Variants in MEI4 observed in about 807,000 individuals in gnomAD.
MEI4 encodes meiosis-specific protein MEI4.
MEI4 carries 27 observed loss-of-function variants against 31.4 expected under a neutral mutation model. The ratio of observed to expected loss-of-function variants is 0.86; its 90% CI spans 0.63 to 1.19. The LOEUF is 1.19. Ranked by LOEUF, MEI4 falls within the 50% of genes most tolerant of loss-of-function variation. MEI4 has a pLI of 0.00. For synonymous variants in MEI4, 122 were observed against 145.4 expected, an observed-to-expected ratio of 0.84 and a Z score of 1.16; for missense variants, 329 against 398.9, an observed-to-expected ratio of 0.82 and a Z score of 1.49.
chr6:77,904,382 T>C (rs1054831477), intron 4 of MEI4, among the ~76,000 whole-genome samples: 30 of 152,110 alleles, frequency 2.0e-4, no homozygotes, highest in African/African-American at 7.2e-4. Context: ...GTCACGGGGA[T>C]TTGGTGTACA....
At chr6:77,792,947 C>T (rs954183539) in intron 3 of MEI4, among the ~76,000 whole-genome samples, 3 of 152,122 alleles carry the variant, frequency 2.0e-5, no homozygotes, top group African/African-American at 4.8e-5. Flanking sequence ...CTCCTGACCT[C>T]GTGATCCGCC....
intron 4 of MEI4, among the ~76,000 whole-genome samples, chr6:77,844,561 A>C (rs1309216767): frequency 6.6e-6 from 1 of 152,194 alleles, no homozygotes; most frequent in Non-Finnish European, 1.5e-5. Context: ...TTGCAAATTG[A>C]AATCTTTTTT....
intron 3 of MEI4, among the ~76,000 whole-genome samples, chr6:77,789,862 C>A (rs540092347): frequency 6.6e-5 from 10 of 152,162 alleles, no homozygotes; most frequent in African/African-American, 2.2e-4. Flanking sequence ...CCTCAGGGAT[C>A]TAGAACTAGA....
At chr6:77,882,813 G>A (rs1771519981) in intron 4 of MEI4, among the ~76,000 whole-genome samples, 1 of 152,040 alleles carries the variant, frequency 6.6e-6, no homozygotes, top group Non-Finnish European at 1.5e-5. Context: ...ATCAAATCCA[G>A]ACAATATATT....
rs1188139521 is a variant in MEI4, at chr6:77,717,956, C to CGATG, written c.232+27055_232+27058dup. On this transcript the variant is annotated intron_variant, in intron 2 of 4. Transcript: ENST00000684080. ...CGCCATCGTCATCATGGCCCGTTCT[C>CGATG]GATGGTCGCTGTCTCTTCGGAGCTG... Among the ~76,000 whole-genome samples the CGATG allele has an allele frequency of 1.3e-3, 67 of 51,338 alleles. 1 individual carries two copies. In the Middle Eastern group the frequency reaches 0.026, roughly 20 times the overall value. The allele number at this position is 51,338 out of a possible 152,430, so 33.7% of individuals were successfully genotyped here.
intron 4 of MEI4, among the ~76,000 whole-genome samples, chr6:77,883,745 A>ATATATATCTATATCTATCTAT (rs55947073): frequency 2.4e-5 from 2 of 82,302 alleles, no homozygotes; most frequent in African/African-American, 9.9e-5. Context: ...TATATATATA[A>ATATATATCTATATCTATCTAT]CTTTGTCTTT....
chr6:77,849,047 G>T (rs183196430), intron 4 of MEI4, among the ~76,000 whole-genome samples: 1 of 151,682 alleles, frequency 6.6e-6, no homozygotes, highest in Non-Finnish European at 1.5e-5. Context: ...TAATTGCTGG[G>T]TTTTTTTAAT....
chr6:77,861,092 TTG>T (rs1770853249), intron 4 of MEI4, among the ~76,000 whole-genome samples: 2 of 152,210 alleles, frequency 1.3e-5, no homozygotes, highest in Non-Finnish European at 2.9e-5. Context: ...GTTATCTGAA[TTG>T]ATCCTTCCCA....
At chr6:77,761,090 A>G in intron 2 of MEI4, 40 bp from the exon 3 acceptor site, 2 of 1,214,306 alleles carry the variant, frequency 1.6e-6, no homozygotes, top group Non-Finnish European at 1.0e-6. Flanking sequence ...AAGAAATTTC[A>G]GCTGCATGAA....
intron 4 of MEI4, among the ~76,000 whole-genome samples, chr6:77,922,591 C>A (rs986009214): frequency 2.0e-5 from 3 of 151,728 alleles, no homozygotes; most frequent in Non-Finnish European, 2.9e-5. Flanking sequence ...CATTTCTTCT[C>A]ATGACTATGT....
intron 3 of MEI4, among the ~76,000 whole-genome samples, chr6:77,764,255 A>T (rs1225524372): frequency 6.6e-6 from 1 of 152,206 alleles, no homozygotes; most frequent in African/African-American, 2.4e-5. Flanking sequence ...GATTGTTGGC[A>T]TATAATTGTT....
chr6:77,766,755 C>G (rs1768187610), intron 3 of MEI4, among the ~76,000 whole-genome samples: 1 of 151,864 alleles, frequency 6.6e-6, no homozygotes, highest in Non-Finnish European at 1.5e-5. Context: ...TGTTTTTTTT[C>G]TAGTATGTAT....
At position 77,847,566 on chromosome 6, in the gene MEI4, A is replaced by G. The variant is rs1445736462; in HGVS notation, c.900+18504A>G. On this transcript the variant is annotated intron_variant, in intron 4 of 4. Coordinates refer to ENST00000684080, the MANE Select transcript of MEI4 (RefSeq NM_001322247.2). This position sits in a 1 kb window ranked among gnomAD's most constrained non-coding sequence, Gnocchi z 4.6. ...TTGTTTCCTGTGGCAAGTAAAATAT[A>G]TTTGTTCAGAATAATTTTCTGATGC... Among the ~76,000 whole-genome samples the G allele has an allele frequency of 1.3e-5, 2 of 152,134 alleles. No individual in the cohort carries two copies. Among genetic ancestry groups the G allele is most frequent in the Non-Finnish European group, 2.9e-5 (2 of 68,004 alleles).
At chr6:77,834,735 C>T (rs1319091598) in intron 4 of MEI4, among the ~76,000 whole-genome samples, 1 of 152,044 alleles carries the variant, frequency 6.6e-6, no homozygotes, top group Admixed American at 6.6e-5. Context: ...GTAAACAGCA[C>T]TAGAGGGTAA....
At chr6:77,824,310 A>G (rs1224545366) in intron 3 of MEI4, among the ~76,000 whole-genome samples, 1 of 152,162 alleles carries the variant, frequency 6.6e-6, no homozygotes, top group East Asian at 1.9e-4. Context: ...CATGTTGGCC[A>G]GGCTGGTCTC....
intron 2 of MEI4, among the ~76,000 whole-genome samples, chr6:77,732,677 G>T (rs1007675918): frequency 1.3e-5 from 2 of 152,026 alleles, no homozygotes; most frequent in Non-Finnish European, 2.9e-5. Flanking sequence ...GAATAGGAGT[G>T]GTGAGAGAGG....
chr6:77,691,483 C>G (rs939565270), intron 2 of MEI4, among the ~76,000 whole-genome samples: 1 of 152,056 alleles, frequency 6.6e-6, no homozygotes, highest in African/African-American at 2.4e-5. Flanking sequence ...GAAATGGTTA[C>G]AGAACATCCA....
At chr6:77,758,885 A>G (rs890354296) in intron 2 of MEI4, among the ~76,000 whole-genome samples, 1 of 152,174 alleles carries the variant, frequency 6.6e-6, no homozygotes, top group African/African-American at 2.4e-5. Context: ...CTAAGTCCTC[A>G]GAAGTGTCCT....
At chr6:77,651,916 T>C (rs1159737192), upstream of MEI4, among the ~76,000 whole-genome samples, 1 of 152,226 alleles carries the variant, frequency 6.6e-6, no homozygotes, top group Non-Finnish European at 1.5e-5. Context: ...GTAGGCCTTG[T>C]TAAAGCTTAG....
Sources: gnomAD v4.1 joint callset for allele counts (sites outside exome capture counted in the v4.1 genomes callset) on GRCh38, gnomAD v4.1.1 for gene constraint, Gnocchi (gnomAD v3.1) non-coding constraint, MANE v1.5 for transcripts, NCBI Gene and HGNC (gene_info 2026-07-23, HGNC 2026-07-21) for gene names.